USP50: variants seen among roughly 807,000 people sequenced by gnomAD.
USP50 encodes the protein ubiquitin carboxyl-terminal hydrolase 50.
Under a neutral mutation model 39.2 loss-of-function variants are expected in USP50, and 37 were observed. The ratio of observed to expected loss-of-function variants is 0.94; its 90% CI spans 0.73 to 1.24. The LOEUF (loss-of-function observed/expected upper bound fraction) is 1.24. Ranked by LOEUF, USP50 falls within the 50% of genes most tolerant of loss-of-function variation. The pLI is 0.00. For missense variants in USP50, 374 were observed against 398.2 expected (o/e 0.94, Z 0.52); for synonymous variants, 139 against 144.5 (o/e 0.96, Z 0.27).
chr15:50,499,340 TTAAC>T (rs1287545584), downstream of USP50: 1 of 318,326 alleles, frequency 3.1e-6, no homozygotes, highest in Non-Finnish European at 5.7e-6. Flanking sequence ...GTTAAAATAA[TTAAC>T]TAGCTAAGCA....
At chr15:50,525,112 C>T (rs2052878097) in intron 6 of USP50, among the ~76,000 whole-genome samples, 2 of 152,124 alleles carry the variant, frequency 1.3e-5, no homozygotes, top group Admixed American at 6.6e-5. Flanking sequence ...GAAATTCTGC[C>T]ATTTGCAACA....
At chr15:50,531,991 C>A in intron 5 of USP50, 2 of 377,666 alleles carry the variant, frequency 5.3e-6, no homozygotes. Flanking sequence ...GACCAGCAAA[C>A]ATAGAGAATC....
At chr15:50,542,480 C>CTT (rs1491341726) in intron 3 of USP50, among the ~76,000 whole-genome samples, 5 of 111,240 alleles carry the variant, frequency 4.5e-5, no homozygotes, top group Admixed American at 2.1e-4. Flanking sequence ...TTTTCCTTTT[C>CTT]ATTTTTTTTT....
intron 5 of USP50, chr15:50,532,196 G>A (rs778412031): frequency 8.8e-6 from 4 of 456,070 alleles, no homozygotes; most frequent in African/African-American, 2.0e-5. Context: ...ACACTCGCAC[G>A]GTAAATATTA....
downstream of USP50, chr15:50,495,761 G>A: frequency 4.7e-6 from 5 of 1,064,522 alleles, no homozygotes; most frequent in South Asian, 1.6e-5. Flanking sequence ...TTCTAAATCT[G>A]GCAAGTGTTT....
chr15:50,522,749 G>C (rs560289837), intron 6 of USP50, among the ~76,000 whole-genome samples: 1 of 152,228 alleles, frequency 6.6e-6, no homozygotes, highest in South Asian at 2.1e-4. Flanking sequence ...GGATTCAAGT[G>C]ATTCTCCTGC....
downstream of USP50, chr15:50,495,881 A>C: frequency 6.2e-7 from 1 of 1,613,858 alleles, no homozygotes; most frequent in Non-Finnish European, 8.5e-7. Context: ...AGAAGAAAAT[A>C]ATGATCATCT....
At chr15:50,499,960 A>C (rs1394850910), downstream of USP50, 1 of 152,194 alleles carries the variant, frequency 6.6e-6, no homozygotes, top group Non-Finnish European at 1.5e-5. Flanking sequence ...GGAGTCAGGC[A>C]TGATTGCAAA....
intron 2 of USP50, 134 bp from the exon 3 acceptor site, chr15:50,543,927 C>A: frequency 1.2e-6 from 1 of 814,778 alleles, no homozygotes; most frequent in Non-Finnish European, 2.0e-6. Flanking sequence ...CTTTGGGAGG[C>A]CAATGCAGGA....
At chr15:50,520,523 C>T (rs865994764) in intron 6 of USP50, among the ~76,000 whole-genome samples, 6 of 151,922 alleles carry the variant, frequency 3.9e-5, no homozygotes, top group African/African-American at 1.4e-4. Flanking sequence ...TGGTCTCAAA[C>T]TCCTGGGCTC....
intron 5 of USP50, among the ~76,000 whole-genome samples, chr15:50,531,770 ATG>A (rs2052942323): frequency 1.3e-5 from 2 of 152,208 alleles, no homozygotes; most frequent in African/African-American, 2.4e-5. Flanking sequence ...AAAAGCAATG[ATG>A]AGAGACATCT....
In USP50 at chr15:50,538,745, G is replaced by C; in HGVS notation, c.767C>G (p.Ser256Cys). 6.2e-7 allele frequency: 1 copy of C among 1,610,722 alleles called. No homozygotes were observed. Among genetic ancestry groups the C allele is most frequent in the Non-Finnish European group, 8.5e-7 (1 of 1,178,652 alleles). The change falls in exon 5 of 7, where the codon TCC becomes TGC. Residue 256 changes from serine to cysteine, a missense_variant. Ser to Cys is a moderately radical substitution (Grantham distance 112). Coordinates refer to ENST00000532404, the MANE Select transcript of USP50 (RefSeq NM_203494.5). ...GAAAATAATTATTTTTGGTGCTTTG[G>C]AAATACTGGCCCTCACAGCAGTTTC... ...KQETAVRASI[S>C]KAPKIIIFHL... is the part of the protein sequence containing the mutation.
At chr15:50,518,654 T>A (rs368068753) in intron 6 of USP50, among the ~76,000 whole-genome samples, 3 of 137,678 alleles carry the variant, frequency 2.2e-5, no homozygotes, top group Non-Finnish European at 4.8e-5. Context: ...AAAAAAAAAA[T>A]CAACTCAAAC....
chr15:50,502,840 G>GTAA (rs1490331435), intron 6 of USP50: 1 of 152,244 alleles, frequency 6.6e-6, no homozygotes, highest in African/African-American at 2.4e-5. Flanking sequence ...GAATTCGGGT[G>GTAA]TAATAGTACA....
Position 50,517,402 on chromosome 15 carries a change from G to A in USP50, c.936+12395C>T, listed in dbSNP as rs944217921. 7.2e-5 allele frequency among the ~76,000 whole-genome samples: 11 copies of A among 151,972 alleles called. 1 individual carries two copies. The East Asian group carries it at 2.1e-3, about 29-fold the overall frequency. ...CAGGAGAATCACTTGAACCTGGGAGGCAGAAGTTATGGTTAGCAGAGATCA... is the reference window on the plus strand; with the variant it reads ...CAGGAGAATCACTTGAACCTGGGAGACAGAAGTTATGGTTAGCAGAGATCA... On this transcript the variant is annotated intron_variant, in intron 6 of 6. Coordinates refer to ENST00000532404, the MANE Select transcript of USP50 (RefSeq NM_203494.5).
chr15:50,512,261 G>C (rs1162148283), intron 6 of USP50: 3 of 151,964 alleles, frequency 2.0e-5, no homozygotes, highest in Admixed American at 6.6e-5. Context: ...CTGGGAGGCG[G>C]AAGTTGCAGT....
At chr15:50,520,913 T>G (rs73405155) in intron 6 of USP50, among the ~76,000 whole-genome samples, 1 of 151,848 alleles carries the variant, frequency 6.6e-6, no homozygotes, top group Non-Finnish European at 1.5e-5. Flanking sequence ...CATAATAGAG[T>G]CACTATAGTT....
At chr15:50,528,747 G>A (rs1351048265) in intron 6 of USP50, among the ~76,000 whole-genome samples, 1 of 152,166 alleles carries the variant, frequency 6.6e-6, no homozygotes, top group Non-Finnish European at 1.5e-5. Flanking sequence ...AAAGTGTGGA[G>A]GTATGGTTCT....
At chr15:50,514,012 A>C (rs2052773713) in intron 6 of USP50, 1 of 152,266 alleles carries the variant, frequency 6.6e-6, no homozygotes, top group Admixed American at 6.5e-5. Context: ...GTAATTACCC[A>C]AAAGTTCCTG....
Sources: gnomAD v4.1 joint callset for allele counts (sites outside exome capture counted in the v4.1 genomes callset) on GRCh38, gnomAD v4.1.1 for gene constraint, MANE v1.5 for transcripts, NCBI Gene and HGNC (gene_info 2026-07-23, HGNC 2026-07-21) for gene names.